TASP1: variants seen among roughly 807,000 people sequenced by gnomAD.
TASP1 encodes taspase 1.
TASP1 carries 16 observed loss-of-function variants against 56.6 expected under a neutral mutation model. The ratio of observed to expected loss-of-function variants is 0.28; its 90% CI spans 0.19 to 0.43. The LOEUF (loss-of-function observed/expected upper bound fraction) is 0.43, where lower values mean the gene tolerates loss of function less well. Ranked by LOEUF, TASP1 falls within the 20% of genes least tolerant of loss-of-function variation. TASP1 has a pLI of 1.00. For synonymous variants in TASP1, 179 were observed against 184.2 expected, an observed-to-expected ratio of 0.97 and a Z score of 0.23; for missense variants, 393 against 511.6, an observed-to-expected ratio of 0.77 and a Z score of 2.24.
intron 11 of TASP1, among the ~76,000 whole-genome samples, chr20:13,457,764 C>T (rs2043900313): frequency 6.6e-6 from 1 of 152,154 alleles, no homozygotes. Flanking sequence ...GAAACACAGA[C>T]ATTCACAATC....
At chr20:13,118,664 C>A in the TASP1 span, among the ~76,000 whole-genome samples, 17 of 152,280 alleles carry the variant, frequency 1.1e-4, no homozygotes, top group Admixed American at 9.8e-4. Flanking sequence ...GATGTTGGCT[C>A]AGCCTAGGAT....
chr20:13,112,043 G>C, the TASP1 span, among the ~76,000 whole-genome samples: 1 of 152,214 alleles, frequency 6.6e-6, no homozygotes, highest in Non-Finnish European at 1.5e-5. Context: ...GGTTGCACTA[G>C]CAATAGTGAC....
chr20:13,505,874 C>T (rs2044111102), intron 10 of TASP1, among the ~76,000 whole-genome samples: 1 of 151,552 alleles, frequency 6.6e-6, no homozygotes, highest in African/African-American at 2.4e-5. Context: ...CATACGAAGG[C>T]CAAAGTTAGC....
At chr20:13,192,259 G>T in the TASP1 span, among the ~76,000 whole-genome samples, 2 of 152,154 alleles carry the variant, frequency 1.3e-5, no homozygotes, top group Non-Finnish European at 2.9e-5. Context: ...GAACAGGGCC[G>T]GGAATGGCAG....
the TASP1 span, among the ~76,000 whole-genome samples, chr20:13,361,586 G>C: frequency 2.0e-5 from 3 of 152,128 alleles, no homozygotes; most frequent in African/African-American, 7.2e-5. Flanking sequence ...GCCCATTTAA[G>C]CTCCTGTATA....
At chr20:13,349,122 G>C in the TASP1 span, among the ~76,000 whole-genome samples, 1 of 152,162 alleles carries the variant, frequency 6.6e-6, no homozygotes, top group Non-Finnish European at 1.5e-5. Context: ...CTGTGGTTTG[G>C]TTCCTGGGGC....
the TASP1 span, among the ~76,000 whole-genome samples, chr20:13,143,389 A>G: frequency 6.6e-6 from 1 of 152,220 alleles, no homozygotes; most frequent in African/African-American, 2.4e-5. Flanking sequence ...TATGTCAGAC[A>G]CCCTACTAAC....
the TASP1 span, among the ~76,000 whole-genome samples, chr20:13,281,696 G>T: frequency 6.6e-6 from 1 of 152,182 alleles, no homozygotes; most frequent in African/African-American, 2.4e-5. Context: ...AGAAATGAGT[G>T]CTTAGGTTGG....
intron 13 of TASP1, among the ~76,000 whole-genome samples, chr20:13,407,241 C>T (rs569674970): frequency 6.6e-6 from 1 of 152,286 alleles, no homozygotes; most frequent in South Asian, 2.1e-4. Context: ...AGCACTCACT[C>T]CCCATTCCCT....
intron 1 of TASP1, among the ~76,000 whole-genome samples, chr20:13,631,825 G>C (rs2049095217): frequency 6.6e-6 from 1 of 152,192 alleles, no homozygotes; most frequent in Non-Finnish European, 1.5e-5. Context: ...TAGCACTTCG[G>C]GAGGCCAAGG....
chr20:13,126,545 T>C, the TASP1 span: 2 of 1,606,642 alleles, frequency 1.2e-6, no homozygotes, highest in Non-Finnish European at 8.5e-7. Flanking sequence ...ACCACCAGTG[T>C]TGAGATTTAT....
At chr20:13,503,358 G>A (rs1198154106) in intron 10 of TASP1, among the ~76,000 whole-genome samples, 1 of 151,876 alleles carries the variant, frequency 6.6e-6, no homozygotes, top group African/African-American at 2.4e-5. Context: ...ATTGAGAAAA[G>A]GCATAAAATA....
At chr20:13,435,935 T>A (rs2042986941) in intron 11 of TASP1, among the ~76,000 whole-genome samples, 1 of 152,070 alleles carries the variant, frequency 6.6e-6, no homozygotes, top group Non-Finnish European at 1.5e-5. Context: ...TACATGTATT[T>A]TTCTCCCTCC....
chr20:13,387,982 G>C (rs1258406463), downstream of TASP1, among the ~76,000 whole-genome samples: 3 of 152,198 alleles, frequency 2.0e-5, no homozygotes, highest in African/African-American at 7.2e-5. Flanking sequence ...AAGCCCTGAA[G>C]ATGCCCCTGT....
At chr20:13,205,339 A>C in the TASP1 span, among the ~76,000 whole-genome samples, 1 of 152,086 alleles carries the variant, frequency 6.6e-6, no homozygotes. Context: ...CCTTCTCAAA[A>C]TCAAGTGTCT....
At chr20:13,221,791 G>A in the TASP1 span, 1 of 1,452,108 alleles carries the variant, frequency 6.9e-7, no homozygotes, top group Non-Finnish European at 9.0e-7. Context: ...TGCGCCTGGC[G>A]GCCGAGCTGC....
intron 2 of TASP1, among the ~76,000 whole-genome samples, chr20:13,627,594 T>C (rs2048937908): frequency 6.6e-6 from 1 of 151,854 alleles, no homozygotes; most frequent in Admixed American, 6.6e-5. Flanking sequence ...CTACTAAACA[T>C]ACAAAAATTA....
At chr20:13,250,658 C>G in the TASP1 span, among the ~76,000 whole-genome samples, 6 of 152,168 alleles carry the variant, frequency 3.9e-5, no homozygotes, top group Admixed American at 3.9e-4. Flanking sequence ...TTTGGGAACC[C>G]CTGCTGTGGA....
chr20:13,598,188 G>C (rs181415152), intron 4 of TASP1, among the ~76,000 whole-genome samples: 53 of 152,236 alleles, frequency 3.5e-4, no homozygotes, highest in Admixed American at 9.2e-4. Flanking sequence ...CTACTTTAAA[G>C]TTCATATGGA....
Sources: allele counts gnomAD v4.1 joint callset (sites outside exome capture counted in the v4.1 genomes callset), GRCh38; gene constraint gnomAD v4.1.1; transcripts MANE v1.5; gene names NCBI Gene and HGNC (gene_info 2026-07-23, HGNC 2026-07-21).